CNTNAP5: variants seen among roughly 807,000 people sequenced by gnomAD.
CNTNAP5 encodes the protein contactin-associated protein-like 5.
In CNTNAP5, 72 loss-of-function variants were observed where a neutral mutation model predicts 150.2. That is an observed-to-expected ratio of 0.48 (90% CI 0.40 to 0.58). CNTNAP5 has a LOEUF of 0.58. Among genes scored for constraint, CNTNAP5 ranks in the 20% least tolerant of loss-of-function variants. CNTNAP5 has a pLI of 0.00. For missense variants in CNTNAP5, 1,636 were observed against 1,626.2 expected (o/e 1.01, Z -0.10); for synonymous variants, 672 against 619.8 (o/e 1.08, Z -1.25).
intron 13 of CNTNAP5, among the ~76,000 whole-genome samples, chr2:124,652,044 A>T (rs1233641239): frequency 1.3e-5 from 2 of 152,182 alleles, no homozygotes; most frequent in Non-Finnish European, 2.9e-5. Context: ...TTTTTCATTC[A>T]GTTGGTGACT....
chr2:124,068,647 C>T (rs573016904), intron 1 of CNTNAP5, among the ~76,000 whole-genome samples: 1 of 151,888 alleles, frequency 6.6e-6, no homozygotes, highest in East Asian at 2.0e-4. Context: ...GTGCTTGCAC[C>T]ACCCCTCCTT....
chr2:124,233,986 C>T (rs1022967673), intron 2 of CNTNAP5, among the ~76,000 whole-genome samples: 3 of 152,020 alleles, frequency 2.0e-5, no homozygotes, highest in African/African-American at 7.2e-5. Context: ...ATATGCTCAA[C>T]TGTGCATAAA....
At chr2:124,034,422 C>T (rs1681154517) in intron 1 of CNTNAP5, among the ~76,000 whole-genome samples, 1 of 152,184 alleles carries the variant, frequency 6.6e-6, no homozygotes, top group South Asian at 2.1e-4. Context: ...TGAGTCACTG[C>T]TAAGACAAAT....
chr2:124,606,938 A>C (rs1677237457), intron 11 of CNTNAP5, among the ~76,000 whole-genome samples: 2 of 152,128 alleles, frequency 1.3e-5, no homozygotes, highest in South Asian at 2.1e-4. Context: ...CTCATAAAAA[A>C]AGGAGAGGCA....
intron 10 of CNTNAP5, among the ~76,000 whole-genome samples, chr2:124,544,871 A>G (rs1183513421): frequency 1.3e-5 from 2 of 152,204 alleles, no homozygotes; most frequent in African/African-American, 2.4e-5. Context: ...TTAGCAGCCC[A>G]GGCTGGATAT....
At chr2:124,181,661 A>T (rs1558790206) in intron 1 of CNTNAP5, among the ~76,000 whole-genome samples, 1 of 152,196 alleles carries the variant, frequency 6.6e-6, no homozygotes, top group Non-Finnish European at 1.5e-5. Context: ...CACTGTATGT[A>T]TGTACTTGAG....
At chr2:124,560,803 T>G (rs934551476) in intron 10 of CNTNAP5, among the ~76,000 whole-genome samples, 1 of 152,164 alleles carries the variant, frequency 6.6e-6, no homozygotes, top group East Asian at 1.9e-4. Flanking sequence ...CCTTTTTTGC[T>G]GCTTGCTGCA....
intron 1 of CNTNAP5, among the ~76,000 whole-genome samples, chr2:124,154,097 T>C (rs1280149288): frequency 6.6e-6 from 1 of 152,174 alleles, no homozygotes; most frequent in African/African-American, 2.4e-5. Flanking sequence ...ATCAGTTATT[T>C]AACCTCCAAT....
In CNTNAP5 at chr2:124,446,745, C is replaced by G. The variant is rs528043521; in HGVS notation, c.734-8C>G. 4 of 1,611,966 alleles carry G rather than the reference C, an allele frequency of 2.5e-6. No homozygotes were observed. Among genetic ancestry groups the G allele is most frequent in the Admixed American group, 3.3e-5 (2 of 59,914 alleles). On this transcript the variant is annotated splice_region_variant and splice_polypyrimidine_tract_variant and intron_variant, in intron 5 of 23. Coordinates refer to ENST00000682447, the MANE Select transcript of CNTNAP5 (RefSeq NM_001367498.1). ...AGACATCATCTTGCCTCTCTCCCCT[C>G]TTCACAGGTGACAGCAAAGCGCGGC...
rs1682727912 is a variant in CNTNAP5, at chr2:124,832,069, G to C, written c.3218-33237G>C. Among the ~76,000 whole-genome samples, 3 of 152,060 alleles carry C rather than the reference G, an allele frequency of 2.0e-5. No individual in the cohort carries two copies. The South Asian group carries it at 6.2e-4, about 32-fold the overall frequency. ...ATACACACAGATCTTTCTGTTTTGG[G>C]CTGAGTTTGTAGTTTTATGACATTC... On this transcript the variant is annotated intron_variant, in intron 19 of 23. Transcript: ENST00000682447.
At chr2:124,276,229 C>A (rs1687880950) in intron 3 of CNTNAP5, among the ~76,000 whole-genome samples, 1 of 152,022 alleles carries the variant, frequency 6.6e-6, no homozygotes, top group African/African-American at 2.4e-5. Flanking sequence ...CTAAAGTTAA[C>A]AATTTCAGAG....
intron 21 of CNTNAP5, among the ~76,000 whole-genome samples, chr2:124,901,325 A>T (rs764151141): frequency 6.6e-6 from 1 of 151,576 alleles, no homozygotes; most frequent in Non-Finnish European, 1.5e-5. Context: ...GTTGCTCATC[A>T]GCTGTATTTG....
intron 1 of CNTNAP5, among the ~76,000 whole-genome samples, chr2:124,084,450 A>G (rs1295691800): frequency 6.6e-6 from 1 of 151,886 alleles, no homozygotes; most frequent in Non-Finnish European, 1.5e-5. Flanking sequence ...TATTTTCGGT[A>G]GACATGGGGT....
At chr2:124,455,168 A>G (rs1387888894) in intron 6 of CNTNAP5, among the ~76,000 whole-genome samples, 1 of 152,000 alleles carries the variant, frequency 6.6e-6, no homozygotes, top group Admixed American at 6.6e-5. Context: ...TAACCAAAAA[A>G]AAGAAGAGAA....
At chr2:124,344,406 C>T (rs1001881171) in intron 3 of CNTNAP5, among the ~76,000 whole-genome samples, 1 of 151,944 alleles carries the variant, frequency 6.6e-6, no homozygotes, top group East Asian at 1.9e-4. Context: ...CTGGAACAGA[C>T]ATTTGGTAGA....
At chr2:124,306,719 CTTTTTTTTTT>C (rs762901729) in intron 3 of CNTNAP5, among the ~76,000 whole-genome samples, 279 of 64,370 alleles carry the variant, frequency 4.3e-3, no homozygotes, top group African/African-American at 0.017. Flanking sequence ...CTCTCTCTTT[CTTTTTTTTTT>C]TTTTTTTTTT....
intron 12 of CNTNAP5, among the ~76,000 whole-genome samples, chr2:124,628,783 G>A (rs1046822466): frequency 2.0e-5 from 3 of 152,124 alleles, no homozygotes; most frequent in African/African-American, 7.2e-5. Flanking sequence ...TGGGTACTAA[G>A]ACCAGACCCA....
At chr2:124,449,569 A>G (rs1371148703) in intron 6 of CNTNAP5, among the ~76,000 whole-genome samples, 1 of 152,154 alleles carries the variant, frequency 6.6e-6, no homozygotes. Flanking sequence ...TAGCTGAGTG[A>G]CATTACAGTG....
chr2:124,207,747 A>G (rs987915646), intron 1 of CNTNAP5, among the ~76,000 whole-genome samples: 6 of 152,226 alleles, frequency 3.9e-5, no homozygotes, highest in African/African-American at 1.4e-4. Context: ...TTTAGTGAAC[A>G]CAATACAATG....
Sources: allele counts gnomAD v4.1 joint callset (sites outside exome capture counted in the v4.1 genomes callset), GRCh38; gene constraint gnomAD v4.1.1; transcripts MANE v1.5; gene names NCBI Gene and HGNC (gene_info 2026-07-23, HGNC 2026-07-21).